The following CTNND2 variants were observed in gnomAD, a reference collection of about 807,000 sequenced individuals.
CTNND2 encodes the protein catenin delta 2, also known as catenin delta-2.
In CTNND2, 22 loss-of-function variants were observed where a neutral mutation model predicts 144.4. The ratio of observed to expected loss-of-function variants is 0.15; its 90% CI spans 0.11 to 0.22. The LOEUF (loss-of-function observed/expected upper bound fraction) is 0.22. Ranked by LOEUF, CTNND2 falls within the 10% of genes least tolerant of loss-of-function variation. The probability of loss-of-function intolerance (pLI) is 1.00; values close to 1 mark genes in which losing one functional copy is unlikely to be tolerated. For missense variants in CTNND2, 1,353 were observed against 1,618.8 expected (o/e 0.84, Z 2.82); for synonymous variants, 751 against 695.6 (o/e 1.08, Z -1.25).
chr5:11,102,162 C>A (rs1751965012), intron 14 of CTNND2, among the ~76,000 whole-genome samples: 1 of 152,084 alleles, frequency 6.6e-6, no homozygotes, highest in African/African-American at 2.4e-5. Context: ...TAATTTTCAT[C>A]TGTTATATTT....
rs950379321 is a variant in CTNND2, at chr5:11,763,144, C to T, written c.38-30872G>A. Among the ~76,000 whole-genome samples the T allele has an allele frequency of 2.0e-5, 3 of 152,182 alleles. No homozygotes were observed. The South Asian group carries it at 6.2e-4, about 32-fold the overall frequency. On this transcript the variant is annotated intron_variant, in intron 1 of 21. Coordinates refer to ENST00000304623, the MANE Select transcript of CTNND2 (RefSeq NM_001332.4). ...GCTGGCCATGTGAAGATGGTACATGCTTCCCCTTCACCTTCCATCATGAGT... is the reference window on the plus strand; with the variant it reads ...GCTGGCCATGTGAAGATGGTACATGTTTCCCCTTCACCTTCCATCATGAGT...
intron 2 of CTNND2, among the ~76,000 whole-genome samples, chr5:11,620,766 G>A (rs1780792905): frequency 6.6e-6 from 1 of 152,132 alleles, no homozygotes. Context: ...GACATCCTGG[G>A]CTCTTTATAT....
At chr5:11,588,307 G>A (rs374154697) in intron 2 of CTNND2, among the ~76,000 whole-genome samples, 13 of 147,770 alleles carry the variant, frequency 8.8e-5, no homozygotes, top group African/African-American at 3.0e-4. Context: ...CTTTAACTGC[G>A]CATCGAAGGA....
At chr5:11,505,866 C>T (rs1770979248) in intron 3 of CTNND2, among the ~76,000 whole-genome samples, 1 of 152,130 alleles carries the variant, frequency 6.6e-6, no homozygotes, top group Non-Finnish European at 1.5e-5. Flanking sequence ...ATGACGCAGG[C>T]CCCCGTCATT....
chr5:11,572,466 T>C (rs954019415), intron 2 of CTNND2, among the ~76,000 whole-genome samples: 2 of 152,172 alleles, frequency 1.3e-5, no homozygotes, highest in Non-Finnish European at 2.9e-5. Context: ...CAGAAGCATT[T>C]TGTTGACTAC....
At chr5:11,552,052 G>A (rs1443187618) in intron 3 of CTNND2, among the ~76,000 whole-genome samples, 1 of 152,130 alleles carries the variant, frequency 6.6e-6, no homozygotes, top group African/African-American at 2.4e-5. Flanking sequence ...CCGAACCTGA[G>A]CCACCTTGCC....
intron 5 of CTNND2, among the ~76,000 whole-genome samples, chr5:11,403,871 C>T (rs1425015733): frequency 1.3e-5 from 2 of 152,132 alleles, no homozygotes; most frequent in Non-Finnish European, 2.9e-5. Flanking sequence ...CACACATTTG[C>T]CCCCCGTTGA....
Position 11,904,218 on chromosome 5 carries a change from C to T in CTNND2, c.-365G>A, listed in dbSNP as rs920053515. ...CCCGCAGCTCCGCTCAGCCGGCTGT[C>T]GCCGCGGGCGCGAGCCTGGGGCCGC... On this transcript the variant is annotated 5_prime_UTR_variant, in exon 1 of 22. Coordinates refer to ENST00000304623, the MANE Select transcript of CTNND2 (RefSeq NM_001332.4). The surrounding 1 kb of genome is among the most constrained non-coding windows in gnomAD (Gnocchi z 4.2). Among the ~76,000 whole-genome samples, 32 of 145,316 alleles carry T rather than the reference C, an allele frequency of 2.2e-4. No homozygotes were observed. The highest frequency in any genetic ancestry group is 7.9e-4 in the African/African-American group (32 of 40,642).
intron 1 of CTNND2, among the ~76,000 whole-genome samples, chr5:11,897,001 T>C (rs1291619597): frequency 1.3e-5 from 2 of 152,182 alleles, no homozygotes; most frequent in Non-Finnish European, 2.9e-5. Context: ...TGCATCAACC[T>C]TCCATGTCCT....
intron 3 of CTNND2, among the ~76,000 whole-genome samples, chr5:11,523,266 T>C (rs1050634566): frequency 6.6e-6 from 1 of 152,182 alleles, no homozygotes; most frequent in Non-Finnish European, 1.5e-5. Flanking sequence ...TATTTTGAAA[T>C]AACATGAGAT....
intron 6 of CTNND2, among the ~76,000 whole-genome samples, chr5:11,396,108 C>A (rs567418295): frequency 6.6e-6 from 1 of 152,102 alleles, no homozygotes; most frequent in Admixed American, 6.5e-5. Context: ...AGAGATAGTG[C>A]CCAATAAATG....
chr5:11,672,460 T>C (rs954364641), intron 2 of CTNND2, among the ~76,000 whole-genome samples: 3 of 152,186 alleles, frequency 2.0e-5, no homozygotes, highest in Admixed American at 1.3e-4. Context: ...GCTGCTCACT[T>C]TTTTTCAGAG....
At chr5:11,540,332 T>C (rs1318293206) in intron 3 of CTNND2, among the ~76,000 whole-genome samples, 11 of 152,180 alleles carry the variant, frequency 7.2e-5, no homozygotes, top group Admixed American at 7.2e-4. Flanking sequence ...CTGTGAAGCA[T>C]GTGCCCTCCT....
chr5:11,470,342 G>A (rs1767075354), intron 3 of CTNND2, among the ~76,000 whole-genome samples: 1 of 152,120 alleles, frequency 6.6e-6, no homozygotes. Context: ...ACTGAGGCAG[G>A]AGGATTGCTT....
chr5:11,509,490 T>C (rs1241080316), intron 3 of CTNND2, among the ~76,000 whole-genome samples: 1 of 151,582 alleles, frequency 6.6e-6, no homozygotes, highest in African/African-American at 2.4e-5. Context: ...AACTGAATAA[T>C]GAAAAAAAGG....
At chr5:11,244,128 G>C (rs141030867) in intron 9 of CTNND2, among the ~76,000 whole-genome samples, 1 of 152,058 alleles carries the variant, frequency 6.6e-6, no homozygotes, top group African/African-American at 2.4e-5. Flanking sequence ...ATGGTCATAA[G>C]TTAGATAGAT....
chr5:11,675,989 G>C (rs1784153130), intron 2 of CTNND2, among the ~76,000 whole-genome samples: 1 of 151,764 alleles, frequency 6.6e-6, no homozygotes, highest in Non-Finnish European at 1.5e-5. Flanking sequence ...TTTGAGCTCT[G>C]ATAAGGGACA....
At chr5:11,068,658 G>A (rs1747877615) in intron 16 of CTNND2, among the ~76,000 whole-genome samples, 1 of 152,236 alleles carries the variant, frequency 6.6e-6, no homozygotes, top group East Asian at 1.9e-4. Flanking sequence ...GCTCACGCCT[G>A]TAATCCCAGC....
At chr5:11,296,859 G>T (rs1384452372) in intron 9 of CTNND2, among the ~76,000 whole-genome samples, 1 of 152,162 alleles carries the variant, frequency 6.6e-6, no homozygotes, top group Non-Finnish European at 1.5e-5. Context: ...GGGAGGGATA[G>T]CATTAGGAGA....
Sources: allele counts gnomAD v4.1 joint callset (sites outside exome capture counted in the v4.1 genomes callset), GRCh38; gene constraint gnomAD v4.1.1; non-coding constraint Gnocchi (gnomAD v3.1); transcripts MANE v1.5; gene names NCBI Gene and HGNC (gene_info 2026-07-23, HGNC 2026-07-21).